Variants in DNAH10 observed in about 807,000 individuals in gnomAD.
The protein encoded by DNAH10 is axonemal beta dynein heavy chain 10.
DNAH10 carries 348 observed loss-of-function variants against 506.6 expected under a neutral mutation model. That is an observed-to-expected ratio of 0.69 (90% CI 0.63 to 0.75). The LOEUF is 0.75. Among genes scored for constraint, DNAH10 ranks in the 30% least tolerant of loss-of-function variants. DNAH10 has a pLI of 0.00. For synonymous variants in DNAH10, 2,059 were observed against 2,198.6 expected (o/e 0.94, Z 1.78); for missense variants, 5,179 against 5,787.1 (o/e 0.89, Z 3.41).
At chr12:123,801,242 G>T (rs746393134) in intron 15 of DNAH10, 39 bp from the exon 16 acceptor site, 1 of 1,595,786 alleles carries the variant, frequency 6.3e-7, no homozygotes, top group Non-Finnish European at 8.5e-7. Context: ...GAGCTTAAAG[G>T]TGCTCTCCTC....
intron 10 of DNAH10, 116 bp downstream of exon 10, chr12:123,788,118 A>C: frequency 8.4e-7 from 1 of 1,189,288 alleles, no homozygotes; most frequent in Non-Finnish European, 1.2e-6. Context: ...GGCAGGGAGA[A>C]GCCCTTCAAA....
At chr12:123,814,450 T>A (rs1594095222) in intron 21 of DNAH10, among the ~76,000 whole-genome samples, 1 of 152,150 alleles carries the variant, frequency 6.6e-6, no homozygotes, top group East Asian at 1.9e-4. Context: ...AGCAAGGGCA[T>A]TTGTGAGCTC....
In DNAH10 at chr12:123,783,233, C is replaced by A. The variant is rs369125793; in HGVS notation, c.968C>A (p.Ala323Glu). ...AACTGGCTGAATCAGATATCCACAG[C>A]GGTTGAGGCCCAACTGAAGAAGACA... ...VINWLNQIST[A>E]VEAQLKKTPQ... The change falls in exon 7 of 79, where the codon GCG becomes GAG. Residue 323 changes from alanine to glutamate, a missense_variant. This residue lies in a region of DNAH10 where 4,844 missense variants were observed against 5,430.5 expected (regional missense o/e 0.89). Coordinates refer to ENST00000673944, the MANE Select transcript of DNAH10 (RefSeq NM_001372106.1). 1 of 1,614,100 alleles carries A rather than the reference C, an allele frequency of 6.2e-7. No individual in the cohort carries two copies. Among genetic ancestry groups the A allele is most frequent in the South Asian group, 1.1e-5 (1 of 91,074 alleles).
At chr12:123,792,275 G>T (rs1296928080) in intron 11 of DNAH10, among the ~76,000 whole-genome samples, 1 of 151,986 alleles carries the variant, frequency 6.6e-6, no homozygotes, top group African/African-American at 2.4e-5. Context: ...TATTTGCCTG[G>T]TTATTTATGT....
chr12:123,933,184 TCAGA>T, intron 76 of DNAH10, 143 bp from the exon 77 acceptor site: 3 of 657,910 alleles, frequency 4.6e-6, no homozygotes, highest in East Asian at 3.3e-5. Context: ...ATTGTTTTTC[TCAGA>T]CAGGCGGCCA....
chr12:123,820,672 C>T lies in DNAH10; in HGVS notation c.4093C>T (p.Pro1365Ser). The T allele has an allele frequency of 1.2e-6, 2 of 1,613,968 alleles. No individual in the cohort carries two copies. Among genetic ancestry groups the T allele is most frequent in the East Asian group, 2.2e-5 (1 of 44,882 alleles). ...LANAEKLFDLPITMYPELLKV... is the reference protein window; with the variant it reads ...LANAEKLFDLSITMYPELLKV... ...TAACGCTGAGAAACTTTTCGATCTT[C>T]CTATTACAATGTACCCAGAGCTGCT... is the stretch of plus-strand genomic sequence containing the variant. The change falls in exon 24 of 79, where the codon CCT becomes TCT. Residue 1365 changes from proline (P) to serine (S), a missense_variant. Pro to Ser is a moderately conservative substitution (Grantham distance 74). Around this residue, in one of 3 missense-constraint regions of DNAH10, gnomAD observed 4,844 missense variants for 5,430.5 expected, o/e 0.89. Transcript: ENST00000673944.
intron 26 of DNAH10, among the ~76,000 whole-genome samples, chr12:123,830,997 A>T (rs1594134435): frequency 1.3e-5 from 2 of 152,338 alleles, no homozygotes; most frequent in East Asian, 3.9e-4. Context: ...TACCTGCTGT[A>T]CTTCAGTAAT....
At chr12:123,906,056 C>T (rs1953762328) in intron 57 of DNAH10, among the ~76,000 whole-genome samples, 1 of 148,838 alleles carries the variant, frequency 6.7e-6, no homozygotes, top group Admixed American at 6.7e-5. Context: ...TAGCTCCAGC[C>T]TCCTGAGTAC....
Position 123,785,807 on chromosome 12 carries a change from C to A in DNAH10, c.1292C>A (p.Ala431Asp). The A allele has an allele frequency of 6.2e-7, 1 of 1,614,154 alleles. No homozygotes were observed. The highest frequency in any genetic ancestry group is 8.5e-7 in the Non-Finnish European group (1 of 1,180,028). The change falls in exon 9 of 79, where the codon GCC (alanine) becomes GAC (aspartate). Residue 431 changes from alanine to aspartate, a missense_variant. Transcript: ENST00000673944. This position sits in a 1 kb window ranked among gnomAD's most constrained non-coding sequence, Gnocchi z 4.1. ...GACACCATCCCCGCCATGATGAGTG[C>A]CCTGCGGATGGTGTGGATCATCTCC... ...VLDTIPAMMS[A>D]LRMVWIISRH...
At chr12:123,911,101 T>G (rs1954048507) in intron 59 of DNAH10, among the ~76,000 whole-genome samples, 1 of 149,462 alleles carries the variant, frequency 6.7e-6, no homozygotes. Context: ...TGCCAGCTAC[T>G]TGGGAGGCTG....
At chr12:123,918,260 A>C (rs540996192) in intron 64 of DNAH10, among the ~76,000 whole-genome samples, 3 of 152,320 alleles carry the variant, frequency 2.0e-5, no homozygotes, top group Non-Finnish European at 4.4e-5. Flanking sequence ...GTCCAAACCC[A>C]AAGGGGTAAG....
At chr12:123,867,211 T>A (rs998756667) in intron 41 of DNAH10, among the ~76,000 whole-genome samples, 1 of 152,190 alleles carries the variant, frequency 6.6e-6, no homozygotes, top group Non-Finnish European at 1.5e-5. Context: ...ACCTGTTATC[T>A]TCCCTTTTTC....
Position 123,926,894 on chromosome 12 carries a change from TG to T in DNAH10, c.12105+77del, listed in dbSNP as rs1356726564. On this transcript the variant is annotated intron_variant, in intron 69 of 78. Coordinates refer to ENST00000673944, the MANE Select transcript of DNAH10 (RefSeq NM_001372106.1). The surrounding 1 kb of genome is among the most constrained non-coding windows in gnomAD (Gnocchi z 4.1). Reference sequence around the variant, plus strand: ...GGTGTCTGCTAAGAAGGAGCTAACCTGGGTTTAAGCTGAGTGCCACGCCACA... The same window carrying T: ...GGTGTCTGCTAAGAAGGAGCTAACCTGGTTTAAGCTGAGTGCCACGCCACA... 1 of 1,545,786 alleles carries T rather than the reference TG, an allele frequency of 6.5e-7. No homozygotes were observed. Among genetic ancestry groups the T allele is most frequent in the East Asian group, 2.3e-5 (1 of 43,650 alleles).
At chr12:123,869,084 G>C (rs1758393484) in intron 43 of DNAH10, among the ~76,000 whole-genome samples, 2 of 152,192 alleles carry the variant, frequency 1.3e-5, no homozygotes. Context: ...CACAGCTTCA[G>C]CCCTGCAGGC....
Position 123,902,702 on chromosome 12 carries a change from C to T in DNAH10, c.9641-237C>T, listed in dbSNP as rs1361497331. 1.3e-5 allele frequency among the ~76,000 whole-genome samples: 2 copies of T among 152,128 alleles called. No homozygotes were observed. Among genetic ancestry groups the T allele is most frequent in the East Asian group, 1.9e-4 (1 of 5,176 alleles). On this transcript the variant is annotated intron_variant, in intron 56 of 78. Transcript: ENST00000673944. This position sits in a 1 kb window ranked among gnomAD's most constrained non-coding sequence, Gnocchi z 4.5. The stretch of plus-strand genomic sequence containing the variant: ...TGTCCTGGATGGAGTGGGTGGGACA[C>T]AGGTGGGCCAGTTGAGGAAGGTCAG...
chr12:123,931,662 G>A lies in DNAH10; in HGVS notation c.12943G>A (p.Asp4315Asn), dbSNP rs373336911. 1.4e-5 allele frequency: 23 copies of A among 1,613,876 alleles called. No homozygotes were observed. Among genetic ancestry groups the A allele is most frequent in the Middle Eastern group, 1.6e-4 (1 of 6,084 alleles). Residue 4315 changes from aspartate to asparagine, a missense_variant, in exon 75 of 79, where the codon GAT becomes AAT. Asp to Asn is a conservative substitution (Grantham distance 23). Around this residue, in one of 3 missense-constraint regions of DNAH10, gnomAD observed 4,844 missense variants for 5,430.5 expected, o/e 0.89. Transcript: ENST00000673944. ...GGAATCCAGCAGTGGTATCAGCCGC[G>A]ATGATTATATTGGCCAAGTGGCCAA... The part of the protein sequence containing the change: ...TGESSSGISR[D>N]DYIGQVAKEI...
Position 123,879,374 on chromosome 12 carries a change from C to T in DNAH10, c.8466+17C>T. The T allele has an allele frequency of 6.4e-7, 1 of 1,552,142 alleles. No homozygotes were observed. The highest frequency in any genetic ancestry group is 1.2e-5 in the South Asian group (1 of 83,700). On this transcript the variant is annotated intron_variant, in intron 49 of 78. Coordinates refer to ENST00000673944, the MANE Select transcript of DNAH10 (RefSeq NM_001372106.1). ...AAGCAGCTGGTCAGTACATCCAATG[C>T]TTCTTCTCAGGAAATTCTTCTCAGG...
At position 123,867,888 on chromosome 12, in the gene DNAH10, T is replaced by C. The variant is rs769753150; in HGVS notation, c.7303-15T>C. 6.8e-6 allele frequency: 11 copies of C among 1,609,388 alleles called. No homozygotes were observed. Among genetic ancestry groups the C allele is most frequent in the Non-Finnish European group, 9.3e-6 (11 of 1,177,592 alleles). ...GGACTATGTGGGCTGAACCAGATAT[T>C]TTCCTGTGAACCAGGTAACCCAGTT... On this transcript the variant is annotated splice_polypyrimidine_tract_variant and intron_variant, in intron 42 of 78. Coordinates refer to ENST00000673944, the MANE Select transcript of DNAH10 (RefSeq NM_001372106.1).
rs774432591 is a variant in DNAH10 at position 123,781,068 on chromosome 12, T to C, written c.622-12T>C. 6.2e-5 allele frequency: 99 copies of C among 1,586,188 alleles called. No individual in the cohort carries two copies. The highest frequency in any genetic ancestry group is 6.8e-5 in the East Asian group (3 of 44,044). ...ACTTCATATGATGTATTTCATAAAATTGGCATTTCAGGTTTTTTTGCCAGC... is the reference window on the plus strand; with the variant it reads ...ACTTCATATGATGTATTTCATAAAACTGGCATTTCAGGTTTTTTTGCCAGC... On this transcript the variant is annotated splice_polypyrimidine_tract_variant and intron_variant, in intron 5 of 78. Coordinates refer to ENST00000673944, the MANE Select transcript of DNAH10 (RefSeq NM_001372106.1).
Sources: allele counts gnomAD v4.1 joint callset (sites outside exome capture counted in the v4.1 genomes callset), GRCh38; gene constraint gnomAD v4.1.1; regional missense constraint gnomAD v4.1.1; non-coding constraint Gnocchi (gnomAD v3.1); transcripts MANE v1.5; gene names NCBI Gene and HGNC (gene_info 2026-07-23, HGNC 2026-07-21).